PTK2: variants seen among roughly 807,000 people sequenced by gnomAD.
PTK2 encodes focal adhesion kinase 1.
PTK2 carries 45 observed loss-of-function variants against 150.1 expected under a neutral mutation model. That is an observed-to-expected ratio of 0.30 (90% confidence interval 0.24 to 0.38). PTK2 has a LOEUF of 0.38. PTK2 is among the 10% of genes least tolerant of loss of function. PTK2 has a pLI of 1.00. For synonymous variants in PTK2, 432 were observed against 449.2 expected, an observed-to-expected ratio of 0.96 and a Z score of 0.48; for missense variants, 919 against 1,307.3, an observed-to-expected ratio of 0.70 and a Z score of 4.58.
intron 1 of PTK2, among the ~76,000 whole-genome samples, chr8:140,973,516 G>C (rs1007586689): frequency 6.6e-6 from 1 of 151,540 alleles, no homozygotes; most frequent in African/African-American, 2.4e-5. Context: ...AAAAAAAGCA[G>C]CAGAAAAGTT....
intron 4 of PTK2, among the ~76,000 whole-genome samples, chr8:140,871,992 A>C (rs1360355274): frequency 6.6e-6 from 1 of 152,088 alleles, no homozygotes; most frequent in African/African-American, 2.4e-5. Context: ...GCAGATCATG[A>C]GGTCAGGAGA....
intron 5 of PTK2, among the ~76,000 whole-genome samples, chr8:140,859,525 T>C (rs1299448653): frequency 6.6e-6 from 1 of 152,226 alleles, no homozygotes; most frequent in Non-Finnish European, 1.5e-5. Flanking sequence ...ATGTTATGTA[T>C]ATATGTATCC....
chr8:140,979,777 G>T (rs538565141), intron 1 of PTK2, among the ~76,000 whole-genome samples: 3 of 152,252 alleles, frequency 2.0e-5, no homozygotes, highest in South Asian at 4.2e-4. Context: ...TTATAAGGGG[G>T]AGTTCCCTTA....
At chr8:140,895,917 AAAATT>A (rs1488093333) in intron 2 of PTK2, among the ~76,000 whole-genome samples, 10 of 152,302 alleles carry the variant, frequency 6.6e-5, no homozygotes, top group African/African-American at 2.4e-4. Flanking sequence ...AAAGCAGAAC[AAAATT>A]AAAAGTTACT....
At chr8:140,913,047 G>A (rs894920245) in intron 2 of PTK2, among the ~76,000 whole-genome samples, 1 of 152,192 alleles carries the variant, frequency 6.6e-6, no homozygotes, top group East Asian at 1.9e-4. Flanking sequence ...GGGGAAAAAA[G>A]GGGAAATCTG....
chr8:140,971,191 G>A (rs553208753), intron 1 of PTK2, among the ~76,000 whole-genome samples: 9 of 152,304 alleles, frequency 5.9e-5, no homozygotes, highest in African/African-American at 2.2e-4. Context: ...CTACTAAGAT[G>A]CATGATAATA....
chr8:140,719,946 CA>C (rs2100041987), intron 22 of PTK2, among the ~76,000 whole-genome samples: 1 of 136,188 alleles, frequency 7.3e-6, no homozygotes, highest in Non-Finnish European at 1.6e-5. Flanking sequence ...ACAACAACAA[CA>C]AACACCCTGA....
chr8:140,705,356 T>C (rs982682723), intron 24 of PTK2, among the ~76,000 whole-genome samples: 5 of 151,920 alleles, frequency 3.3e-5, no homozygotes, highest in Non-Finnish European at 7.4e-5. Context: ...ACATTACGAG[T>C]AAAAAAAGAT....
At chr8:140,927,975 A>AAAAAT in intron 1 of PTK2, among the ~76,000 whole-genome samples, 6 of 48,194 alleles carry the variant, frequency 1.2e-4, no homozygotes, top group South Asian at 1.0e-3. Flanking sequence ...AAAAAAAAAA[A>AAAAAT]ATATATATAT....
intron 2 of PTK2, among the ~76,000 whole-genome samples, chr8:140,918,042 T>C (rs116238151): frequency 1.2e-3 from 177 of 152,334 alleles, no homozygotes; most frequent in African/African-American, 4.0e-3. Flanking sequence ...GTGCCAAGCA[T>C]ATGGCAGTGA....
chr8:140,927,959 AAAAAAAAAAAAAAAAAATAT>A (rs2100170183), intron 1 of PTK2, among the ~76,000 whole-genome samples: 1 of 29,752 alleles, frequency 3.4e-5, no homozygotes, highest in Non-Finnish European at 5.9e-5. Flanking sequence ...AAAAAAAAAG[AAAAAAAAAAAAAAAAAATAT>A]ATATATATAT....
At chr8:140,783,196 A>G (rs1234556061) in intron 14 of PTK2, among the ~76,000 whole-genome samples, 3 of 152,178 alleles carry the variant, frequency 2.0e-5, no homozygotes, top group Admixed American at 1.3e-4. Flanking sequence ...GCTGAGATCA[A>G]GCCACTGCAA....
At chr8:140,901,770 A>G (rs2100158556) in intron 2 of PTK2, among the ~76,000 whole-genome samples, 1 of 151,636 alleles carries the variant, frequency 6.6e-6, no homozygotes, top group African/African-American at 2.4e-5. Context: ...CGTCATCTAC[A>G]TTAGGAATAT....
intron 1 of PTK2, among the ~76,000 whole-genome samples, chr8:140,945,690 C>A (rs1469186660): frequency 6.6e-6 from 1 of 152,114 alleles, no homozygotes; most frequent in African/African-American, 2.4e-5. Context: ...CTGATTGTCA[C>A]AATTCCCATT....
At chr8:140,804,843 C>T (rs541816096) in intron 10 of PTK2, among the ~76,000 whole-genome samples, 42 of 152,168 alleles carry the variant, frequency 2.8e-4, no homozygotes, top group Non-Finnish European at 3.2e-4. Flanking sequence ...CACAGGCAGC[C>T]CTCCATTCTC....
intron 26 of PTK2, among the ~76,000 whole-genome samples, chr8:140,698,115 C>A (rs1173322759): frequency 1.3e-5 from 2 of 152,156 alleles, no homozygotes; most frequent in African/African-American, 4.8e-5. Flanking sequence ...GCTATCTATA[C>A]TCTGCTGCCT....
At chr8:140,664,242 A>G (rs1588871449) in intron 31 of PTK2, among the ~76,000 whole-genome samples, 1 of 152,184 alleles carries the variant, frequency 6.6e-6, no homozygotes, top group Admixed American at 6.5e-5. Flanking sequence ...TCAGCCTCCC[A>G]AAGTGCTCAG....
chr8:140,899,623 C>T (rs1004932875), intron 2 of PTK2, among the ~76,000 whole-genome samples: 4 of 152,096 alleles, frequency 2.6e-5, no homozygotes, highest in Non-Finnish European at 4.4e-5. Flanking sequence ...ACCTTTACAA[C>T]AAAACCAGAC....
At chr8:140,682,525 TA>T (rs2100017645) in intron 27 of PTK2, among the ~76,000 whole-genome samples, 3 of 128,126 alleles carry the variant, frequency 2.3e-5, no homozygotes, top group Admixed American at 1.6e-4. Flanking sequence ...TTTGGCTTAT[TA>T]CTAAAAGGCC....
Sources: gnomAD v4.1 joint callset for allele counts (sites outside exome capture counted in the v4.1 genomes callset) on GRCh38, gnomAD v4.1.1 for gene constraint, MANE v1.5 for transcripts, NCBI Gene and HGNC (gene_info 2026-07-23, HGNC 2026-07-21) for gene names.